DNAH6: variants seen among roughly 807,000 people sequenced by gnomAD.
DNAH6 encodes the protein axonemal beta dynein heavy chain 6.
In DNAH6, 340 loss-of-function variants were observed where a neutral mutation model predicts 491.4. The ratio of observed to expected loss-of-function variants is 0.69; its 90% confidence interval spans 0.63 to 0.76. The LOEUF (loss-of-function observed/expected upper bound fraction) is 0.76. Ranked by LOEUF, DNAH6 falls within the 30% of genes least tolerant of loss-of-function variation. DNAH6 has a pLI of 0.00. For missense variants in DNAH6, 4,443 were observed against 4,972.2 expected (o/e 0.89, Z 3.20); for synonymous variants, 1,603 against 1,686.1 (o/e 0.95, Z 1.21).
intron 40 of DNAH6, among the ~76,000 whole-genome samples, chr2:84,676,670 G>GTATTCA (rs770956347): frequency 9.9e-5 from 15 of 152,260 alleles, no homozygotes; most frequent in Middle Eastern, 3.4e-3. Flanking sequence ...TAACTACCAT[G>GTATTCA]AATAATGAAT....
intron 60 of DNAH6, among the ~76,000 whole-genome samples, chr2:84,724,757 A>G (rs760369138): frequency 2.0e-4 from 30 of 152,246 alleles, no homozygotes; most frequent in Non-Finnish European, 3.2e-4. Context: ...ACTACAGGGC[A>G]ACTGGGTTCC....
At chr2:84,498,780 G>T in the DNAH6 span, among the ~76,000 whole-genome samples, 1 of 151,868 alleles carries the variant, frequency 6.6e-6, no homozygotes, top group Admixed American at 6.6e-5. Flanking sequence ...TTATTTGGTG[G>T]CTGTCACCCC....
rs147916094 is a variant in DNAH6, at chr2:84,604,322, G to A, written c.2869-17G>A. The A allele has an allele frequency of 6.5e-7, 1 of 1,539,160 alleles. No individual in the cohort carries two copies. The highest frequency in any genetic ancestry group is 8.8e-7 in the Non-Finnish European group (1 of 1,135,576). On this transcript the variant is annotated splice_polypyrimidine_tract_variant and intron_variant, in intron 18 of 76. Coordinates refer to ENST00000389394, the MANE Select transcript of DNAH6 (RefSeq NM_001370.2). ...AAGATAAAAAGCTTCATGTCTCTGA[G>A]AGTGTTTGTTTTTCAGCTTCCAGTT... is the stretch of plus-strand genomic sequence containing the variant.
chr2:84,548,810 C>T (rs1358188788), intron 8 of DNAH6, among the ~76,000 whole-genome samples: 1 of 152,232 alleles, frequency 6.6e-6, no homozygotes, highest in East Asian at 1.9e-4. Flanking sequence ...CCAAGAGCTC[C>T]TCTTTGATCT....
chr2:84,518,166 T>A, intron 2 of DNAH6, 115 bp downstream of exon 2: 1 of 720,386 alleles, frequency 1.4e-6, no homozygotes, highest in Non-Finnish European at 2.3e-6. Flanking sequence ...AATGAAAAGC[T>A]AAAAGATAAT....
chr2:84,603,785 T>A (rs1460710), intron 18 of DNAH6, among the ~76,000 whole-genome samples: 122,668 of 152,106 alleles, frequency 0.81, 52,162 homozygotes, highest in East Asian at 0.99. Context: ...AGTTTGTTAC[T>A]CTTTTCCCTG....
rs1039660786 is a variant in DNAH6 at position 84,698,358 on chromosome 2, A to G, written c.7677+631A>G. On this transcript the variant is annotated intron_variant, in intron 47 of 76. Coordinates refer to ENST00000389394, the MANE Select transcript of DNAH6 (RefSeq NM_001370.2). ...CAAGTCTACTTCTGCTAATGTAAGC[A>G]GGAAGGGATTTATTAAAGGGACACA... 3.3e-5 allele frequency among the ~76,000 whole-genome samples: 5 copies of G among 152,242 alleles called. No individual in the cohort carries two copies. In the South Asian group the frequency reaches 8.3e-4, roughly 25 times the overall value.
intron 64 of DNAH6, among the ~76,000 whole-genome samples, chr2:84,776,294 T>G (rs558377057): frequency 6.6e-6 from 1 of 152,306 alleles, no homozygotes; most frequent in African/African-American, 2.4e-5. Context: ...TGTGCAGCAT[T>G]GGCAGTGGTG....
At chr2:84,626,240 C>A (rs992364600) in intron 29 of DNAH6, among the ~76,000 whole-genome samples, 1 of 151,964 alleles carries the variant, frequency 6.6e-6, no homozygotes, top group Non-Finnish European at 1.5e-5. Flanking sequence ...CACTATCTGC[C>A]AACATATTAA....
chr2:84,729,974 C>G (rs1048944432), intron 61 of DNAH6, among the ~76,000 whole-genome samples: 2 of 152,106 alleles, frequency 1.3e-5, no homozygotes, highest in African/African-American at 4.8e-5. Flanking sequence ...GAGTTCCAAA[C>G]ACCTATGACA....
In DNAH6 at chr2:84,733,549, A is replaced by G; in HGVS notation, c.10312A>G (p.Ile3438Val). Residue 3438 changes from isoleucine to valine, a missense_variant, in exon 62 of 77, where the codon ATA becomes GTA. By Grantham distance (29) the Ile-to-Val change is conservative (BLOSUM62 3). This residue lies in a region of DNAH6 where 1,463 missense variants were observed against 1,656.6 expected (regional missense o/e 0.88). Coordinates refer to ENST00000389394, the MANE Select transcript of DNAH6 (RefSeq NM_001370.2). ...FPVFHGLTQN[I>V]LSHPISIRLG... is the part of the protein sequence containing the mutation. ...AGTTTTTCACGGACTTACCCAAAAT[A>G]TATTGTCACATCCTATTTCCATACG... 1.3e-6 allele frequency: 2 copies of G among 1,551,728 alleles called. No homozygotes were observed. Among genetic ancestry groups the G allele is most frequent in the Non-Finnish European group, 1.7e-6 (2 of 1,146,988 alleles).
chr2:84,492,944 T>C, the DNAH6 span, among the ~76,000 whole-genome samples: 5 of 152,158 alleles, frequency 3.3e-5, no homozygotes, highest in South Asian at 1.0e-3. Flanking sequence ...TTCAGTCTCC[T>C]AAAATAAAAA....
chr2:84,770,602 T>C lies in DNAH6; in HGVS notation c.10703+7657T>C, dbSNP rs938233508. ...AAAATATACAAAAGGGATACAACAATAGATGTTAAGAAACAGAAGAAAATG... is the reference window on the plus strand; with the variant it reads ...AAAATATACAAAAGGGATACAACAACAGATGTTAAGAAACAGAAGAAAATG... On this transcript the variant is annotated intron_variant, in intron 64 of 76. Transcript: ENST00000389394. 2.6e-5 allele frequency among the ~76,000 whole-genome samples: 4 copies of C among 152,018 alleles called. No individual in the cohort carries two copies. The East Asian group carries it at 7.7e-4, about 29-fold the overall frequency.
At chr2:84,554,601 A>G (rs1242571094) in intron 10 of DNAH6, among the ~76,000 whole-genome samples, 3 of 152,238 alleles carry the variant, frequency 2.0e-5, no homozygotes, top group African/African-American at 7.2e-5. Context: ...CTGTGTTTAT[A>G]TGATGAGAAG....
rs980542685 is a variant in DNAH6 at position 84,658,713 on chromosome 2, C to T, written c.5940+239C>T. On this transcript the variant is annotated intron_variant, in intron 36 of 76. Coordinates refer to ENST00000389394, the MANE Select transcript of DNAH6 (RefSeq NM_001370.2). ...TACAGTCTACAACATATTCCCAATA[C>T]AAGATATTCTCAATCTGCTTACATA... Among the ~76,000 whole-genome samples the T allele has an allele frequency of 1.2e-4, 18 of 152,086 alleles. 1 individual carries two copies. Among genetic ancestry groups the T allele is most frequent in the Admixed American group, 2.6e-4 (4 of 15,254 alleles).
At chr2:84,703,687 C>T in intron 50 of DNAH6, 125 bp downstream of exon 50, 1 of 860,966 alleles carries the variant, frequency 1.2e-6, no homozygotes, top group East Asian at 3.0e-5. Flanking sequence ...ATAGATTTAG[C>T]AAAGTTTTTT....
the DNAH6 span, among the ~76,000 whole-genome samples, chr2:84,467,495 C>CAT: frequency 6.6e-6 from 1 of 152,212 alleles, no homozygotes; most frequent in African/African-American, 2.4e-5. Context: ...CTGACTCCAG[C>CAT]ATAGCTAGGA....
intron 35 of DNAH6, among the ~76,000 whole-genome samples, 178 bp from the exon 36 acceptor site, chr2:84,658,114 C>T (rs1691151003): frequency 6.6e-6 from 1 of 152,002 alleles, no homozygotes; most frequent in Admixed American, 6.6e-5. Flanking sequence ...CCATGTATCC[C>T]TTCCCAGTCA....
At position 84,709,327 on chromosome 2, in the gene DNAH6, T is replaced by C; in HGVS notation, c.9049-16T>C. Reference sequence around the variant, plus strand: ...TGTTCCTGACTCTACTCAAGTAAGCTTTCCCCCTTCTACAGCTTATAGAGT... The same window carrying C: ...TGTTCCTGACTCTACTCAAGTAAGCCTTCCCCCTTCTACAGCTTATAGAGT... On this transcript the variant is annotated splice_polypyrimidine_tract_variant and intron_variant, in intron 54 of 76. Coordinates refer to ENST00000389394, the MANE Select transcript of DNAH6 (RefSeq NM_001370.2). The C allele has an allele frequency of 6.4e-7, 1 of 1,551,462 alleles. No individual in the cohort carries two copies. Among genetic ancestry groups the C allele is most frequent in the East Asian group, 2.4e-5 (1 of 40,914 alleles).
Sources: allele counts gnomAD v4.1 joint callset (sites outside exome capture counted in the v4.1 genomes callset), GRCh38; gene constraint gnomAD v4.1.1; regional missense constraint gnomAD v4.1.1; transcripts MANE v1.5; gene names NCBI Gene and HGNC (gene_info 2026-07-23, HGNC 2026-07-21).